Variants in TMEM132B observed in about 807,000 individuals in gnomAD.
The protein encoded by TMEM132B is transmembrane protein 132B.
TMEM132B carries 18 observed loss-of-function variants against 90.8 expected under a neutral mutation model. The observed-to-expected ratio is 0.20, with a 90% CI of 0.14 to 0.29. The LOEUF is 0.29. Ranked by LOEUF, TMEM132B falls within the 10% of genes least tolerant of loss-of-function variation. TMEM132B has a pLI of 1.00. For missense variants in TMEM132B, 1,096 were observed against 1,326.8 expected, an observed-to-expected ratio of 0.83 and a Z score of 2.70; for synonymous variants, 504 against 523.3, an observed-to-expected ratio of 0.96 and a Z score of 0.50.
intron 1 of TMEM132B, among the ~76,000 whole-genome samples, chr12:125,268,805 A>T (rs923836701): frequency 6.6e-6 from 1 of 152,182 alleles, no homozygotes; most frequent in African/African-American, 2.4e-5. Flanking sequence ...TAAAATTAAG[A>T]TAAAAGACAA....
intron 1 of TMEM132B, among the ~76,000 whole-genome samples, chr12:125,276,848 T>C (rs1406532446): frequency 6.6e-6 from 1 of 152,176 alleles, no homozygotes; most frequent in African/African-American, 2.4e-5. Flanking sequence ...AGAGAGGAAT[T>C]GATTGAGGGT....
At chr12:125,592,081 C>T (rs11058256) in intron 5 of TMEM132B, among the ~76,000 whole-genome samples, 8,192 of 152,192 alleles carry the variant, frequency 0.054, 345 homozygotes, top group East Asian at 0.14. Context: ...CTGCCTGCCA[C>T]AGTGTGTATT....
chr12:125,363,969 A>G (rs1156509154), intron 2 of TMEM132B, among the ~76,000 whole-genome samples: 1 of 152,266 alleles, frequency 6.6e-6, no homozygotes, highest in African/African-American at 2.4e-5. Flanking sequence ...CCATTCTTGG[A>G]TAAATCCCCA....
intron 3 of TMEM132B, among the ~76,000 whole-genome samples, chr12:125,453,469 C>A (rs1881210620): frequency 1.3e-5 from 2 of 152,162 alleles, no homozygotes; most frequent in East Asian, 1.9e-4. Context: ...TTATTAAATT[C>A]TCTTCTAGGT....
intron 7 of TMEM132B, among the ~76,000 whole-genome samples, chr12:125,651,458 T>C (rs1227483524): frequency 6.6e-6 from 1 of 152,236 alleles, no homozygotes; most frequent in African/African-American, 2.4e-5. Context: ...TTTGACAGGA[T>C]AATTATGCAG....
intron 1 of TMEM132B, among the ~76,000 whole-genome samples, chr12:125,238,321 C>T (rs1873981469): frequency 6.8e-6 from 1 of 147,086 alleles, no homozygotes; most frequent in African/African-American, 2.5e-5. Context: ...CCACTGCACT[C>T]CAGCCTGGGT....
chr12:125,194,793 G>A (rs1463815215), intron 1 of TMEM132B, among the ~76,000 whole-genome samples: 1 of 152,092 alleles, frequency 6.6e-6, no homozygotes, highest in Admixed American at 6.5e-5. Flanking sequence ...TTGGGCAAGG[G>A]AAGGGAAGGG....
intron 5 of TMEM132B, among the ~76,000 whole-genome samples, chr12:125,588,839 C>G (rs921416182): frequency 6.6e-6 from 1 of 152,116 alleles, no homozygotes; most frequent in Admixed American, 6.5e-5. Flanking sequence ...TGGTGGAAAT[C>G]TTGTCAGATG....
At chr12:125,341,416 A>T (rs1364447567) in intron 1 of TMEM132B, among the ~76,000 whole-genome samples, 1 of 152,260 alleles carries the variant, frequency 6.6e-6, no homozygotes, top group Non-Finnish European at 1.5e-5. Context: ...AACGATTTTA[A>T]TACCTGCAAA....
At position 125,209,598 on chromosome 12, in the gene TMEM132B, C is replaced by T. The variant is rs1464804529; in HGVS notation, c.67+22732C>T. 2.6e-5 allele frequency among the ~76,000 whole-genome samples: 4 copies of T among 152,284 alleles called. No individual in the cohort carries two copies. Among genetic ancestry groups the T allele is most frequent in the African/African-American group, 7.2e-5 (3 of 41,554 alleles). ...TCACGCTTGGGAGCATGGAGACACT[C>T]GTTCCTTGTCTCTCCAACCCACCGG... On this transcript the variant is annotated intron_variant, in intron 1 of 8. Transcript: ENST00000682704. This position sits in a 1 kb window ranked among gnomAD's most constrained non-coding sequence, Gnocchi z 4.4.
chr12:125,605,898 A>C (rs1885684580), intron 5 of TMEM132B, among the ~76,000 whole-genome samples: 1 of 152,228 alleles, frequency 6.6e-6, no homozygotes, highest in Non-Finnish European at 1.5e-5. Flanking sequence ...TGGAAGAATT[A>C]GATATGGGCA....
chr12:125,504,561 G>A (rs1402355741), intron 3 of TMEM132B, among the ~76,000 whole-genome samples: 4 of 152,098 alleles, frequency 2.6e-5, no homozygotes, highest in Admixed American at 6.5e-5. Context: ...TGTTGTAATG[G>A]CACCTGCCTG....
chr12:125,419,400 G>A (rs1307719070), intron 3 of TMEM132B, among the ~76,000 whole-genome samples: 2 of 152,202 alleles, frequency 1.3e-5, no homozygotes, highest in Non-Finnish European at 1.5e-5. Context: ...CGAATAAGGA[G>A]CAAAGTCACA....
intron 4 of TMEM132B, among the ~76,000 whole-genome samples, chr12:125,551,810 G>C (rs1225476496): frequency 1.3e-5 from 2 of 152,138 alleles, no homozygotes; most frequent in Admixed American, 6.6e-5. Flanking sequence ...GGGAACTTCT[G>C]TGCCATGGGT....
At chr12:125,396,977 C>CTTT (rs538463146) in intron 2 of TMEM132B, among the ~76,000 whole-genome samples, 4 of 144,426 alleles carry the variant, frequency 2.8e-5, no homozygotes, top group African/African-American at 5.0e-5. Flanking sequence ...CTTCACTATT[C>CTTT]TTTTTTTTTT....
At position 125,207,213 on chromosome 12, in the gene TMEM132B, C is replaced by T. The variant is rs572740799; in HGVS notation, c.67+20347C>T. Among the ~76,000 whole-genome samples, 17 of 152,272 alleles carry T rather than the reference C, an allele frequency of 1.1e-4. No individual in the cohort carries two copies. The East Asian group carries it at 1.9e-3, about 17-fold the overall frequency. On this transcript the variant is annotated intron_variant, in intron 1 of 8. Coordinates refer to ENST00000682704, the MANE Select transcript of TMEM132B (RefSeq NM_001366854.1). ...CTTCTCGTTGAAACAGCAGTGGGGC[C>T]GGTAGCACTGGGTCCTCTTCCCAGG...
At chr12:125,616,504 T>A (rs911501452) in intron 5 of TMEM132B, among the ~76,000 whole-genome samples, 2 of 143,658 alleles carry the variant, frequency 1.4e-5, no homozygotes, top group African/African-American at 2.6e-5. Context: ...TCAGGCTTAT[T>A]TCCTCGATCT....
intron 1 of TMEM132B, among the ~76,000 whole-genome samples, chr12:125,260,512 CTTT>C (rs58139864): frequency 7.3e-6 from 1 of 137,224 alleles, no homozygotes. Context: ...TAAGGTTTAC[CTTT>C]TTTTTTTTTT....
intron 1 of TMEM132B, among the ~76,000 whole-genome samples, chr12:125,307,957 A>G (rs889718266): frequency 7.3e-6 from 1 of 136,162 alleles, no homozygotes; most frequent in Non-Finnish European, 1.5e-5. Flanking sequence ...ACAAGTATAT[A>G]TATATTAAGT....
Sources: allele counts gnomAD v4.1 joint callset (sites outside exome capture counted in the v4.1 genomes callset), GRCh38; gene constraint gnomAD v4.1.1; non-coding constraint Gnocchi (gnomAD v3.1); transcripts MANE v1.5; gene names NCBI Gene and HGNC (gene_info 2026-07-23, HGNC 2026-07-21).